Variants in SERPINI1 observed in about 807,000 individuals in gnomAD.
SERPINI1 encodes serpin family I member 1.
A neutral mutation model predicts 41.1 loss-of-function variants in SERPINI1; 19 were observed. That is an observed-to-expected ratio of 0.46 (90% CI 0.32 to 0.68). The LOEUF (loss-of-function observed/expected upper bound fraction) is 0.68, where lower values mean the gene tolerates loss of function less well. Among genes scored for constraint, SERPINI1 ranks in the 30% least tolerant of loss-of-function variants. The probability of loss-of-function intolerance (pLI) is 0.03; values close to 1 mark genes in which losing one functional copy is unlikely to be tolerated. For missense variants in SERPINI1, 460 were observed against 479.2 expected, an observed-to-expected ratio of 0.96 and a Z score of 0.37; for synonymous variants, 138 against 156.6, an observed-to-expected ratio of 0.88 and a Z score of 0.89.
intron 4 of SERPINI1, among the ~76,000 whole-genome samples, chr3:167,793,596 A>ATATATATATATTTTTTTTT: frequency 9.2e-5 from 13 of 140,608 alleles, no homozygotes; most frequent in African/African-American, 3.3e-4. Context: ...ATATATATAT[A>ATATATATATATTTTTTTTT]TTTTTAATTA....
At chr3:167,777,096 G>A (rs1726987867) in intron 1 of SERPINI1, among the ~76,000 whole-genome samples, 1 of 152,016 alleles carries the variant, frequency 6.6e-6, no homozygotes, top group South Asian at 2.1e-4. Flanking sequence ...ATCCTGTCAG[G>A]TCAGTTTAAG....
In SERPINI1 at chr3:167,778,203, A is replaced by ATTTTACTCT. The variant is rs539995904; in HGVS notation, c.-18-10907_-18-10906insTTTACTCTT. ...CAGGCCCAGCTGTACTCTTGCATGCATGTAAAATAACCAAGAATTTTAGTC... is the reference window on the plus strand; with the variant it reads ...CAGGCCCAGCTGTACTCTTGCATGCATTTTACTCTTGTAAAATAACCAAGAATTTTAGTC... On this transcript the variant is annotated intron_variant, in intron 1 of 8. Coordinates refer to ENST00000446050, the MANE Select transcript of SERPINI1 (RefSeq NM_001122752.2). Among the ~76,000 whole-genome samples, 488 of 152,338 alleles carry ATTTTACTCT rather than the reference A, an allele frequency of 3.2e-3. 2 individuals carry two copies. Among genetic ancestry groups the ATTTTACTCT allele is most frequent in the African/African-American group, 0.011 (471 of 41,578 alleles).
chr3:167,801,185 A>T (rs533361840), intron 5 of SERPINI1, among the ~76,000 whole-genome samples: 2 of 152,236 alleles, frequency 1.3e-5, no homozygotes, highest in African/African-American at 4.8e-5. Context: ...TTGGGTTTTT[A>T]ATCCTTATAT....
chr3:167,740,531 C>T (rs1559991502), intron 1 of SERPINI1, among the ~76,000 whole-genome samples: 1 of 152,292 alleles, frequency 6.6e-6, no homozygotes, highest in East Asian at 1.9e-4. Context: ...TATAATGAAA[C>T]ATCATTTTGC....
intron 1 of SERPINI1, among the ~76,000 whole-genome samples, chr3:167,756,727 G>A (rs1218775259): frequency 2.6e-5 from 4 of 152,040 alleles, no homozygotes; most frequent in African/African-American, 9.7e-5. Context: ...AATGACTATG[G>A]CAGTCATGCC....
At chr3:167,788,482 C>G (rs557809267) in intron 1 of SERPINI1, among the ~76,000 whole-genome samples, 1 of 152,204 alleles carries the variant, frequency 6.6e-6, no homozygotes, top group East Asian at 1.9e-4. Context: ...TCCTCCCTGC[C>G]CAAAGATTGT....
chr3:167,784,249 C>A (rs1323939963), intron 1 of SERPINI1, among the ~76,000 whole-genome samples: 7 of 152,082 alleles, frequency 4.6e-5, no homozygotes, highest in African/African-American at 1.7e-4. Flanking sequence ...ATGTATTTTC[C>A]TGCAGGGATG....
intron 1 of SERPINI1, among the ~76,000 whole-genome samples, chr3:167,744,659 TA>T (rs1246218977): frequency 8.2e-6 from 1 of 121,382 alleles, no homozygotes; most frequent in East Asian, 2.1e-4. Context: ...TATATATAAA[TA>T]TAAAAATATA....
chr3:167,815,271 A>G (rs1280316685), intron 6 of SERPINI1, among the ~76,000 whole-genome samples: 1 of 151,952 alleles, frequency 6.6e-6, no homozygotes, highest in East Asian at 1.9e-4. Flanking sequence ...TGCTTAGACC[A>G]CTTTCTGGTT....
chr3:167,771,643 T>C (rs887364941), intron 1 of SERPINI1, among the ~76,000 whole-genome samples: 6 of 152,218 alleles, frequency 3.9e-5, no homozygotes, highest in Non-Finnish European at 7.3e-5. Flanking sequence ...GTTAAAACAT[T>C]TAAGTACTGT....
chr3:167,772,660 G>GTCTTA (rs1726798468), intron 1 of SERPINI1, among the ~76,000 whole-genome samples: 1 of 151,474 alleles, frequency 6.6e-6, no homozygotes, highest in Admixed American at 6.6e-5. Context: ...TTATGGACAT[G>GTCTTA]TCTTATCTCC....
intron 1 of SERPINI1, among the ~76,000 whole-genome samples, chr3:167,742,989 T>C (rs1001170256): frequency 1.3e-5 from 2 of 152,136 alleles, no homozygotes; most frequent in African/African-American, 4.8e-5. Flanking sequence ...CTAGCTAATA[T>C]TGCATCTAAT....
chr3:167,764,434 T>C (rs1265063930), intron 1 of SERPINI1, among the ~76,000 whole-genome samples: 1 of 152,120 alleles, frequency 6.6e-6, no homozygotes, highest in Non-Finnish European at 1.5e-5. Flanking sequence ...AACTCCTCTT[T>C]TTAAAACTAT....
At chr3:167,791,950 C>T (rs1045400039) in intron 3 of SERPINI1, among the ~76,000 whole-genome samples, 2 of 152,086 alleles carry the variant, frequency 1.3e-5, no homozygotes, top group Non-Finnish European at 2.9e-5. Context: ...CATGGTGAGA[C>T]CCCATCTCTT....
chr3:167,774,264 T>C (rs1320722116), intron 1 of SERPINI1, among the ~76,000 whole-genome samples: 1 of 152,154 alleles, frequency 6.6e-6, no homozygotes, highest in Admixed American at 6.5e-5. Flanking sequence ...CTTATAAAAA[T>C]GACAATTTCA....
intron 1 of SERPINI1, among the ~76,000 whole-genome samples, chr3:167,740,905 G>T (rs1330094297): frequency 1.3e-5 from 2 of 152,124 alleles, no homozygotes; most frequent in African/African-American, 4.8e-5. Context: ...AACAAATAGA[G>T]AAAAATAAAT....
chr3:167,744,712 T>A (rs1161978293), intron 1 of SERPINI1, among the ~76,000 whole-genome samples: 2 of 128,932 alleles, frequency 1.6e-5, no homozygotes, highest in African/African-American at 5.9e-5. Context: ...ATATATAAAA[T>A]ATATATAAAT....
intron 1 of SERPINI1, among the ~76,000 whole-genome samples, chr3:167,744,488 A>T (rs1352670186): frequency 6.6e-6 from 1 of 150,636 alleles, no homozygotes; most frequent in Admixed American, 6.7e-5. Flanking sequence ...AATTTAGAAG[A>T]GTTGCACAGA....
At chr3:167,817,711 C>G (rs1712153256) in intron 6 of SERPINI1, among the ~76,000 whole-genome samples, 1 of 151,806 alleles carries the variant, frequency 6.6e-6, no homozygotes, top group Non-Finnish European at 1.5e-5. Context: ...CATTCTCCTG[C>G]CTCAGCCTCC....
Sources: allele counts gnomAD v4.1 joint callset (sites outside exome capture counted in the v4.1 genomes callset), GRCh38; gene constraint gnomAD v4.1.1; transcripts MANE v1.5; gene names NCBI Gene and HGNC (gene_info 2026-07-23, HGNC 2026-07-21).